DNAJB6: variants seen among roughly 807,000 people sequenced by gnomAD.
The protein encoded by DNAJB6 is dnaJ homolog subfamily B member 6.
In DNAJB6, 16 loss-of-function variants were observed where a neutral mutation model predicts 42.7. The ratio of observed to expected loss-of-function variants is 0.37; its 90% confidence interval spans 0.25 to 0.57. The LOEUF (loss-of-function observed/expected upper bound fraction) is 0.57. DNAJB6 is among the 20% of genes least tolerant of loss of function. The pLI, the probability that DNAJB6 is intolerant of heterozygous loss-of-function variation, is 0.74. For missense variants in DNAJB6, 347 were observed against 416.8 expected (o/e 0.83, Z 1.46); for synonymous variants, 170 against 163.5 (o/e 1.04, Z -0.30).
At chr7:157,349,106 T>C (rs1798840304) in intron 1 of DNAJB6, among the ~76,000 whole-genome samples, 1 of 152,120 alleles carries the variant, frequency 6.6e-6, no homozygotes. Context: ...TATCTGGAAT[T>C]CCTGGGCTGA....
intron 2 of DNAJB6, among the ~76,000 whole-genome samples, chr7:157,362,557 A>G (rs1329936775): frequency 6.6e-6 from 1 of 151,848 alleles, no homozygotes; most frequent in Non-Finnish European, 1.5e-5. Flanking sequence ...TATTTTTAGT[A>G]GCGTTGGGGT....
intron 2 of DNAJB6, among the ~76,000 whole-genome samples, chr7:157,362,462 C>T (rs1799651582): frequency 6.6e-6 from 1 of 151,850 alleles, no homozygotes; most frequent in African/African-American, 2.4e-5. Context: ...ACAACCTCTG[C>T]CTCCCAGGTT....
In DNAJB6 at chr7:157,354,290, G is replaced by A. The variant is rs150857525; in HGVS notation, c.-26-4257G>A. On this transcript the variant is annotated intron_variant, in intron 1 of 9. Coordinates refer to ENST00000262177, the MANE Select transcript of DNAJB6 (RefSeq NM_058246.4). Reference sequence around the variant, plus strand: ...AGCCTCTTGAGTAGCTGGGATTACAGGCATGCGCTACCACGCCCGGCTAAT... The same window carrying A: ...AGCCTCTTGAGTAGCTGGGATTACAAGCATGCGCTACCACGCCCGGCTAAT... Among the ~76,000 whole-genome samples, 2,309 of 152,104 alleles carry A rather than the reference G, an allele frequency of 0.015. 123 individuals are homozygous for A. In the East Asian group the frequency reaches 0.18, roughly 12 times the overall value.
intron 1 of DNAJB6, among the ~76,000 whole-genome samples, chr7:157,339,379 G>A (rs949531685): frequency 7.3e-6 from 1 of 136,818 alleles, no homozygotes; most frequent in Non-Finnish European, 1.5e-5. Flanking sequence ...CTCACTGCAA[G>A]CTCCACCTCC....
chr7:157,416,168 C>T lies in DNAJB6; in HGVS notation c.*70C>T. ...ACCGTGCTCGGCATGCGGTCGTGCA[C>T]ACGCGCTAGGTAGCAGCGTCGGTCA... On this transcript the variant is annotated 3_prime_UTR_variant, in exon 10 of 10. Transcript: ENST00000262177. The T allele has an allele frequency of 1.3e-6, 2 of 1,570,854 alleles. No homozygotes were observed. Among genetic ancestry groups the T allele is most frequent in the Non-Finnish European group, 8.6e-7 (1 of 1,157,088 alleles).
At position 157,387,092 on chromosome 7, in the gene DNAJB6, A is replaced by C. The variant is rs571091225; in HGVS notation, c.691+1481A>C. Among the ~76,000 whole-genome samples the C allele has an allele frequency of 2.0e-5, 3 of 152,324 alleles. No individual in the cohort carries two copies. The South Asian group carries it at 6.2e-4, about 32-fold the overall frequency. ...CCTGACAAACAGCGTAGCGTGTTCC[A>C]TCCGTGCTGGCTTTGCAGGAGGGCA... On this transcript the variant is annotated intron_variant, in intron 8 of 9. Coordinates refer to ENST00000262177, the MANE Select transcript of DNAJB6 (RefSeq NM_058246.4).
At chr7:157,363,324 G>A (rs917989361) in intron 3 of DNAJB6, 54 bp downstream of exon 3, 51 of 1,231,854 alleles carry the variant, frequency 4.1e-5, no homozygotes, top group Non-Finnish European at 5.5e-5. Flanking sequence ...GGAATGCGGA[G>A]TGGGTGTTGG....
intron 5 of DNAJB6, among the ~76,000 whole-genome samples, chr7:157,370,280 CGTT>C (rs1042775264): frequency 4.7e-5 from 7 of 148,580 alleles, no homozygotes; most frequent in Non-Finnish European, 1.0e-4. Context: ...CTTTCATTAA[CGTT>C]ATTATTAAAT....
intron 1 of DNAJB6, among the ~76,000 whole-genome samples, chr7:157,351,229 C>T (rs1394343764): frequency 1.3e-5 from 2 of 152,090 alleles, no homozygotes; most frequent in South Asian, 2.1e-4. Context: ...TACTGTCTCA[C>T]TGTTTTTGTT....
At chr7:157,348,842 G>A (rs1445263827) in intron 1 of DNAJB6, among the ~76,000 whole-genome samples, 2 of 151,974 alleles carry the variant, frequency 1.3e-5, no homozygotes, top group Non-Finnish European at 2.9e-5. Context: ...AACTTGCTGC[G>A]TCCCACATGG....
intron 8 of DNAJB6, among the ~76,000 whole-genome samples, chr7:157,394,738 C>T (rs1473478118): frequency 6.6e-6 from 1 of 152,150 alleles, no homozygotes; most frequent in Non-Finnish European, 1.5e-5. Context: ...CGATTTCCCT[C>T]TTGTGAAGAA....
rs371404064 is a variant in DNAJB6 at position 157,384,379 on chromosome 7, G to T, written c.479-488G>T. Among the ~76,000 whole-genome samples the T allele has an allele frequency of 2.6e-5, 4 of 152,318 alleles. 1 individual carries two copies. Among genetic ancestry groups the T allele is most frequent in the Admixed American group, 1.3e-4 (2 of 15,304 alleles). On this transcript the variant is annotated intron_variant, in intron 6 of 9. Coordinates refer to ENST00000262177, the MANE Select transcript of DNAJB6 (RefSeq NM_058246.4). ...AGGTTTGCTGTTCTGTGGTGGTGAGGTCACTCTGTTCCTGTGGGGTAAGAG... is the reference window on the plus strand; with the variant it reads ...AGGTTTGCTGTTCTGTGGTGGTGAGTTCACTCTGTTCCTGTGGGGTAAGAG...
At chr7:157,405,029 G>C (rs1795711437) in intron 8 of DNAJB6, among the ~76,000 whole-genome samples, 1 of 152,212 alleles carries the variant, frequency 6.6e-6, no homozygotes, top group African/African-American at 2.4e-5. Context: ...AGGACTGATG[G>C]AATCCTCAGA....
chr7:157,345,632 C>T (rs2116873294), intron 1 of DNAJB6, among the ~76,000 whole-genome samples: 1 of 152,272 alleles, frequency 6.6e-6, no homozygotes, highest in East Asian at 1.9e-4. Context: ...GATGTAATCC[C>T]ACTTGTCTGT....
chr7:157,349,313 T>C (rs546323371), intron 1 of DNAJB6, among the ~76,000 whole-genome samples: 1 of 152,304 alleles, frequency 6.6e-6, no homozygotes, highest in African/African-American at 2.4e-5. Flanking sequence ...AATATTCTTT[T>C]AACATTAGGA....
chr7:157,390,122 C>T (rs572670370), intron 8 of DNAJB6, among the ~76,000 whole-genome samples: 16 of 152,342 alleles, frequency 1.1e-4, no homozygotes, highest in African/African-American at 3.8e-4. Context: ...CTGCGGAAAC[C>T]CAGATGGTGG....
At chr7:157,378,665 C>T (rs916871573) in intron 5 of DNAJB6, 5 of 152,184 alleles carry the variant, frequency 3.3e-5, no homozygotes, top group Non-Finnish European at 7.3e-5. Flanking sequence ...CAACTTAGTT[C>T]CACGTTTTGG....
rs368036062 is a variant in DNAJB6 at position 157,382,232 on chromosome 7, A to T, written c.347-14A>T. ...AAAAAAGACTTCATAGTGTGTGTTT[A>T]TGTTTGATTTTAGAAGACCCTTTTG... On this transcript the variant is annotated splice_polypyrimidine_tract_variant and intron_variant, in intron 5 of 9. Coordinates refer to ENST00000262177, the MANE Select transcript of DNAJB6 (RefSeq NM_058246.4). 4.9e-5 allele frequency: 77 copies of T among 1,582,864 alleles called. No homozygotes were observed. Among genetic ancestry groups the T allele is most frequent in the Non-Finnish European group, 6.4e-5 (75 of 1,171,022 alleles).
At chr7:157,387,387 T>C (rs1289566609) in intron 8 of DNAJB6, among the ~76,000 whole-genome samples, 1 of 152,118 alleles carries the variant, frequency 6.6e-6, no homozygotes, top group East Asian at 1.9e-4. Flanking sequence ...CGCCCTCTAG[T>C]GTTGGAAATC....
Sources: allele counts gnomAD v4.1 joint callset (sites outside exome capture counted in the v4.1 genomes callset), GRCh38; gene constraint gnomAD v4.1.1; transcripts MANE v1.5; gene names NCBI Gene and HGNC (gene_info 2026-07-23, HGNC 2026-07-21).